Variants in SERPINH1 observed in about 807,000 individuals in gnomAD.
SERPINH1 encodes serpin family H member 1.
SERPINH1 carries 22 observed loss-of-function variants against 32.3 expected under a neutral mutation model. That is an observed-to-expected ratio of 0.68 (90% CI 0.49 to 0.97). The LOEUF is 0.97. Among genes scored for constraint, SERPINH1 ranks in the 50% least tolerant of loss-of-function variants. SERPINH1 has a pLI of 0.00. For missense variants in SERPINH1, 543 were observed against 576.4 expected, an observed-to-expected ratio of 0.94 and a Z score of 0.59; for synonymous variants, 251 against 245.9, an observed-to-expected ratio of 1.02 and a Z score of -0.19.
At chr11:75,571,633 G>GC in intron 4 of SERPINH1, 148 bp from the exon 5 acceptor site, 1 of 712,292 alleles carries the variant, frequency 1.4e-6, no homozygotes, top group South Asian at 1.6e-5. Context: ...GATTTGAAGT[G>GC]CCAGTGCCAT....
chr11:75,569,432 T>TA (rs1455848452), intron 4 of SERPINH1: 14 of 376,218 alleles, frequency 3.7e-5, no homozygotes, highest in Non-Finnish European at 4.8e-5. Flanking sequence ...TTATTATTAT[T>TA]TTTTTTTTGA....
At chr11:75,565,603 G>A (rs529938189) in intron 1 of SERPINH1, among the ~76,000 whole-genome samples, 6 of 99,244 alleles carry the variant, frequency 6.0e-5, no homozygotes, top group Non-Finnish European at 1.4e-4. Context: ...GACTGAGGCT[G>A]AGTGGACACA....
intron 2 of SERPINH1, 35 bp downstream of exon 2, chr11:75,567,006 C>T (rs1172784073): frequency 1.3e-6 from 2 of 1,583,590 alleles, no homozygotes; most frequent in East Asian, 4.5e-5. Flanking sequence ...TCCTCCTCCT[C>T]CTCCCAGGAC....
intron 2 of SERPINH1, chr11:75,568,303 G>A (rs1036264983): frequency 1.1e-5 from 2 of 178,040 alleles, no homozygotes; most frequent in Non-Finnish European, 2.2e-5. Flanking sequence ...AAAAGAAAAA[G>A]ATAAAAAAAA....
At chr11:75,568,884 G>A (rs934617237) in intron 3 of SERPINH1, 55 bp downstream of exon 3, 12 of 1,604,860 alleles carry the variant, frequency 7.5e-6, no homozygotes, top group East Asian at 2.2e-5. Context: ...AGGGTAGTTG[G>A]TCTGACCCAC....
chr11:75,571,639 G>A (rs1942195511), intron 4 of SERPINH1, 142 bp from the exon 5 acceptor site: 1 of 734,512 alleles, frequency 1.4e-6, no homozygotes, highest in Non-Finnish European at 2.4e-6. Context: ...AAGTGCCAGT[G>A]CCATGCCTGG....
At chr11:75,565,061 A>G (rs550878827) in intron 1 of SERPINH1, among the ~76,000 whole-genome samples, 3 of 152,344 alleles carry the variant, frequency 2.0e-5, no homozygotes, top group Admixed American at 6.5e-5. Flanking sequence ...GTGCTGTTGC[A>G]TGATGTAGAG....
Position 75,568,847 on chromosome 11 carries a change from C to G in SERPINH1, c.721+18C>G, listed in dbSNP as rs1355226932. The G allele has an allele frequency of 6.2e-7, 1 of 1,609,422 alleles. No individual in the cohort carries two copies. Among genetic ancestry groups the G allele is most frequent in the Admixed American group, 1.7e-5 (1 of 60,004 alleles). ...CCGGACAGGTAGGTGCTGTGAGGAGCAGGGTGTCAAGGTGGGTGGGGGTCC... is the reference window on the plus strand; with the variant it reads ...CCGGACAGGTAGGTGCTGTGAGGAGGAGGGTGTCAAGGTGGGTGGGGGTCC... On this transcript the variant is annotated intron_variant, in intron 3 of 4. Transcript: ENST00000358171.
At chr11:75,563,929 C>T (rs571314663) in intron 1 of SERPINH1, among the ~76,000 whole-genome samples, 1 of 152,198 alleles carries the variant, frequency 6.6e-6, no homozygotes, top group African/African-American at 2.4e-5. Flanking sequence ...CTAACCTTGG[C>T]CTGAGGGCTG....
intron 4 of SERPINH1, chr11:75,569,391 G>A: frequency 1.7e-6 from 1 of 579,568 alleles, no homozygotes; most frequent in East Asian, 2.8e-5. Flanking sequence ...ATTCCTGTAT[G>A]CTAGGCGTTC....
At position 75,571,910 on chromosome 11, in the gene SERPINH1, G is replaced by C. The variant is rs1202285973; in HGVS notation, c.1084G>C (p.Asp362His). The C allele has an allele frequency of 6.2e-7, 1 of 1,614,138 alleles. No homozygotes were observed. Among genetic ancestry groups the C allele is most frequent in the African/African-American group, 1.3e-5 (1 of 74,944 alleles). The change falls in exon 5 of 5, where the codon GAT becomes CAT. Residue 362 changes from aspartate to histidine, a missense_variant. By Grantham distance (81) the Asp-to-His change is moderately conservative (BLOSUM62 -1). Around this residue, in one of 3 missense-constraint regions of SERPINH1, gnomAD observed 427 missense variants for 446.4 expected, o/e 0.96. Coordinates refer to ENST00000358171, the MANE Select transcript of SERPINH1 (RefSeq NM_001235.5). ...FHATAFELDT[D>H]GNPFDQDIYG... Reference sequence around the variant, plus strand: ...CGCCACCGCCTTTGAGTTGGACACAGATGGCAACCCCTTTGACCAGGACAT... The same window carrying C: ...CGCCACCGCCTTTGAGTTGGACACACATGGCAACCCCTTTGACCAGGACAT...
At position 75,566,887 on chromosome 11, in the gene SERPINH1, A is replaced by T. The variant is rs2135552280; in HGVS notation, c.538A>T (p.Thr180Ser). Residue 180 changes from threonine (T) to serine (S), a missense_variant, in exon 2 of 5, where the codon ACC becomes TCC. Transcript: ENST00000358171. ...LQSINEWAAQ[T>S]TDGKLPEVTK... ...GTCCATCAACGAGTGGGCCGCGCAG[A>T]CCACCGACGGCAAGCTGCCCGAGGT... is the stretch of plus-strand genomic sequence containing the variant. The T allele has an allele frequency of 6.2e-7, 1 of 1,609,580 alleles. No individual in the cohort carries two copies. The highest frequency in any genetic ancestry group is 8.5e-7 in the Non-Finnish European group (1 of 1,179,952).
intron 4 of SERPINH1, 118 bp downstream of exon 4, chr11:75,569,289 C>G: frequency 1.4e-6 from 1 of 731,482 alleles, no homozygotes; most frequent in Non-Finnish European, 2.3e-6. Context: ...CCAGGCAGTG[C>G]TGGGCTCTGT....
At chr11:75,570,281 T>G (rs764732618) in intron 4 of SERPINH1, among the ~76,000 whole-genome samples, 1 of 152,140 alleles carries the variant, frequency 6.6e-6, no homozygotes, top group African/African-American at 2.4e-5. Context: ...CTTGGAGAGA[T>G]AAAGCTGGAG....
Position 75,566,317 on chromosome 11 carries a change from C to A in SERPINH1, c.-33C>A. 1.9e-6 allele frequency: 3 copies of A among 1,593,854 alleles called. No individual in the cohort carries two copies. Among genetic ancestry groups the A allele is most frequent in the Non-Finnish European group, 1.7e-6 (2 of 1,171,298 alleles). ...ACCCTGTCTGTGCAATCCTCACAGGCCCACCGTGGTGCACGCAAACCACTT... is the reference window on the plus strand; with the variant it reads ...ACCCTGTCTGTGCAATCCTCACAGGACCACCGTGGTGCACGCAAACCACTT... On this transcript the variant is annotated splice_region_variant and 5_prime_UTR_variant, in exon 2 of 5. Coordinates refer to ENST00000358171, the MANE Select transcript of SERPINH1 (RefSeq NM_001235.5).
At chr11:75,565,615 GAC>G (rs35096125) in intron 1 of SERPINH1, among the ~76,000 whole-genome samples, 3 of 151,510 alleles carry the variant, frequency 2.0e-5, no homozygotes, top group South Asian at 2.1e-4. Flanking sequence ...GTGGACACAG[GAC>G]ACACACACAC....
At chr11:75,563,503 T>C (rs1942015944) in intron 1 of SERPINH1, 1 of 152,294 alleles carries the variant, frequency 6.6e-6, no homozygotes, top group Non-Finnish European at 1.5e-5. Flanking sequence ...GGCTCTGTGC[T>C]TCTGTGAGGA....
Position 75,566,441 on chromosome 11 carries a change from G to C in SERPINH1, c.92G>C (p.Gly31Ala), listed in dbSNP as rs140588417. ...VKKPAAAAAP[G>A]TAEKLSPKAA... ...AAACCTGCAGCCGCAGCAGCTCCTG[G>C]CACTGCGGAGAAGTTGAGCCCCAAG... The change falls in exon 2 of 5, where the codon GGC becomes GCC. Residue 31 changes from glycine (G) to alanine (A), a missense_variant. Gly to Ala is a moderately conservative substitution (Grantham distance 60). Transcript: ENST00000358171. 1,389 of 1,611,980 alleles carry C rather than the reference G, an allele frequency of 8.6e-4. 11 individuals are homozygous for C. Among genetic ancestry groups the C allele is most frequent in the Middle Eastern group, 3.3e-4 (2 of 6,074 alleles).
At chr11:75,566,158 T>C (rs1329460474) in intron 1 of SERPINH1, among the ~76,000 whole-genome samples, 158 bp from the exon 2 acceptor site, 2 of 152,220 alleles carry the variant, frequency 1.3e-5, no homozygotes, top group Non-Finnish European at 2.9e-5. Flanking sequence ...CAGAGGCCTC[T>C]GAGAGGCTGG....
Sources: allele counts gnomAD v4.1 joint callset (sites outside exome capture counted in the v4.1 genomes callset), GRCh38; gene constraint gnomAD v4.1.1; regional missense constraint gnomAD v4.1.1; transcripts MANE v1.5; gene names NCBI Gene and HGNC (gene_info 2026-07-23, HGNC 2026-07-21).